SLCO6A1: variants seen among roughly 807,000 people sequenced by gnomAD.
SLCO6A1 encodes cancer/testis antigen 48.
A neutral mutation model predicts 72.7 loss-of-function variants in SLCO6A1; 65 were observed. The observed-to-expected ratio is 0.89, with a 90% confidence interval of 0.73 to 1.10. The LOEUF (loss-of-function observed/expected upper bound fraction) is 1.10. Ranked by LOEUF, SLCO6A1 falls within the 50% of genes least tolerant of loss-of-function variation. The pLI, the probability that SLCO6A1 is intolerant of heterozygous loss-of-function variation, is 0.00. For missense variants in SLCO6A1, 874 were observed against 872.6 expected (o/e 1.00, Z -0.02); for synonymous variants, 314 against 298.2 (o/e 1.05, Z -0.55).
At position 102,480,383 on chromosome 5, in the gene SLCO6A1, T is replaced by C. The variant is rs369804301; in HGVS notation, c.410A>G (p.Tyr137Cys). The C allele has an allele frequency of 3.7e-6, 6 of 1,613,336 alleles. No homozygotes were observed. The African/African-American group carries it at 8.0e-5, about 22-fold the overall frequency. Residue 137 changes from tyrosine to cysteine, a missense_variant, in exon 2 of 14, where the codon TAT (tyrosine) becomes TGT (cysteine). Tyr to Cys is a radical substitution (Grantham distance 194, BLOSUM62 -2). Transcript: ENST00000506729. ...CAACTTCTCAATGGTTTTCAGTTGA[T>C]ATTCCTTCTGAAAATCGCCAATGCT... ...DVSIGDFQKE[Y>C]QLKTIEKLAL...
chr5:102,385,537 A>T (rs150923274), intron 12 of SLCO6A1, among the ~76,000 whole-genome samples: 217 of 152,078 alleles, frequency 1.4e-3, no homozygotes, highest in African/African-American at 4.8e-3. Context: ...GTAATTTTGA[A>T]TGCCCTGCCT....
rs182481089 is a variant in SLCO6A1, at chr5:102,477,313, A to T, written c.802+363T>A. 8.1e-3 allele frequency among the ~76,000 whole-genome samples: 1,235 copies of T among 152,032 alleles called. 12 individuals carry two copies. The highest frequency in any genetic ancestry group is 0.015 in the Non-Finnish European group (1,006 of 67,946). On this transcript the variant is annotated intron_variant, in intron 3 of 13. Coordinates refer to ENST00000506729, the MANE Select transcript of SLCO6A1 (RefSeq NM_173488.5). ...ATTTTTTTGTATTTTTAGTAAAGAC[A>T]GGGTTTCACTATGTTGGCCAGGCTG...
intron 1 of SLCO6A1, among the ~76,000 whole-genome samples, chr5:102,487,143 T>C (rs1752479390): frequency 6.6e-6 from 1 of 152,114 alleles, no homozygotes; most frequent in Non-Finnish European, 1.5e-5. Context: ...GATGAAAAAA[T>C]CATACTTCAC....
intron 7 of SLCO6A1, among the ~76,000 whole-genome samples, chr5:102,429,371 C>T (rs1328523918): frequency 2.0e-5 from 3 of 152,194 alleles, no homozygotes; most frequent in Non-Finnish European, 4.4e-5. Flanking sequence ...GTCCTAAAAT[C>T]TTTGCCAGTT....
At chr5:102,471,953 C>T (rs1751649610) in intron 4 of SLCO6A1, among the ~76,000 whole-genome samples, 1 of 152,010 alleles carries the variant, frequency 6.6e-6, no homozygotes, top group South Asian at 2.1e-4. Context: ...CTGCTGATAG[C>T]CATGGCCTTC....
chr5:102,438,673 G>A lies in SLCO6A1; in HGVS notation c.1220C>T (p.Pro407Leu), dbSNP rs778731527. ...LVIIGASEFL[P>L]IYLENQFILT... Reference sequence around the variant, plus strand: ...TATAAACTGATTTTCTAAATATATAGGCAAAAATTCAGAAGCTCCAATAAT... The same window carrying A: ...TATAAACTGATTTTCTAAATATATAAGCAAAAATTCAGAAGCTCCAATAAT... Residue 407 changes from proline (P) to leucine (L), a missense_variant, in exon 7 of 14, where the codon CCT (proline) becomes CTT (leucine). By Grantham distance (98) the Pro-to-Leu change is moderately conservative. Transcript: ENST00000506729. The A allele has an allele frequency of 2.5e-6, 4 of 1,600,098 alleles. No homozygotes were observed. Among genetic ancestry groups the A allele is most frequent in the Non-Finnish European group, 3.4e-6 (4 of 1,174,516 alleles).
At chr5:102,462,954 G>A (rs1481521960) in intron 4 of SLCO6A1, among the ~76,000 whole-genome samples, 1 of 152,118 alleles carries the variant, frequency 6.6e-6, no homozygotes, top group African/African-American at 2.4e-5. Context: ...CTTCTGCACA[G>A]CAAAAGAAAT....
At chr5:102,427,700 A>G (rs1159566887) in intron 7 of SLCO6A1, among the ~76,000 whole-genome samples, 1 of 151,762 alleles carries the variant, frequency 6.6e-6, no homozygotes, top group Admixed American at 6.6e-5. Context: ...AAATCTGCAC[A>G]AACTATTGAC....
chr5:102,454,870 A>T (rs1750617298), intron 6 of SLCO6A1, among the ~76,000 whole-genome samples: 1 of 151,338 alleles, frequency 6.6e-6, no homozygotes, highest in Non-Finnish European at 1.5e-5. Flanking sequence ...ATCTGAATTA[A>T]ATGTAACCAA....
At chr5:102,481,558 G>T (rs561591499) in intron 1 of SLCO6A1, among the ~76,000 whole-genome samples, 3 of 152,138 alleles carry the variant, frequency 2.0e-5, no homozygotes, top group Non-Finnish European at 4.4e-5. Flanking sequence ...CATTCCCCTT[G>T]CAAATAGGAG....
chr5:102,383,903 T>C (rs1746262268), intron 12 of SLCO6A1, among the ~76,000 whole-genome samples: 2 of 151,880 alleles, frequency 1.3e-5, no homozygotes, highest in Admixed American at 1.3e-4. Context: ...TTATTCATGA[T>C]TATGTCTTTA....
intron 9 of SLCO6A1, among the ~76,000 whole-genome samples, chr5:102,402,018 T>C (rs1261922922): frequency 6.6e-6 from 1 of 152,030 alleles, no homozygotes; most frequent in Non-Finnish European, 1.5e-5. Context: ...GAACAGATTA[T>C]GGAATCAGAA....
In SLCO6A1 at chr5:102,459,782, A is replaced by T; in HGVS notation, c.900-5T>A. Reference sequence around the variant, plus strand: ...CTACCATTATTGACTGTAGTGCTTTAATAAAGAAAAGTGAAAAAAAAAAGC... The same window carrying T: ...CTACCATTATTGACTGTAGTGCTTTTATAAAGAAAAGTGAAAAAAAAAAGC... On this transcript the variant is annotated splice_polypyrimidine_tract_variant and splice_region_variant and intron_variant, in intron 4 of 13. Transcript: ENST00000506729. 6.4e-7 allele frequency: 1 copy of T among 1,565,650 alleles called. No homozygotes were observed. Among genetic ancestry groups the T allele is most frequent in the Non-Finnish European group, 8.6e-7 (1 of 1,164,660 alleles).
chr5:102,441,268 A>C (rs1310078886), intron 6 of SLCO6A1, among the ~76,000 whole-genome samples: 1 of 152,190 alleles, frequency 6.6e-6, no homozygotes, highest in Non-Finnish European at 1.5e-5. Flanking sequence ...TTTTATACAT[A>C]ATAGGAGGTA....
chr5:102,469,871 G>C (rs945838372), intron 4 of SLCO6A1, among the ~76,000 whole-genome samples: 1 of 152,118 alleles, frequency 6.6e-6, no homozygotes, highest in Non-Finnish European at 1.5e-5. Flanking sequence ...AGCATGAAAG[G>C]CTGCTGAATT....
rs138604232 is a variant in SLCO6A1, at chr5:102,451,957, T to C, written c.1131+6425A>G. Among the ~76,000 whole-genome samples the C allele has an allele frequency of 3.3e-4, 50 of 152,374 alleles. 2 individuals carry two copies. The East Asian group carries it at 9.1e-3, about 28-fold the overall frequency. On this transcript the variant is annotated intron_variant, in intron 6 of 13. Coordinates refer to ENST00000506729, the MANE Select transcript of SLCO6A1 (RefSeq NM_173488.5). Reference sequence around the variant, plus strand: ...TCTTCTTTCTATGATAGCCATTTACTTGCTTTCAAAGGAAATTCATTGTTT... The same window carrying C: ...TCTTCTTTCTATGATAGCCATTTACCTGCTTTCAAAGGAAATTCATTGTTT...
At chr5:102,458,746 C>A (rs182347473) in intron 5 of SLCO6A1, among the ~76,000 whole-genome samples, 1 of 152,192 alleles carries the variant, frequency 6.6e-6, no homozygotes, top group Non-Finnish European at 1.5e-5. Context: ...CTACACATGG[C>A]TGTTAAATAC....
intron 9 of SLCO6A1, among the ~76,000 whole-genome samples, chr5:102,402,772 CT>C (rs1441824042): frequency 6.6e-6 from 1 of 152,216 alleles, no homozygotes; most frequent in East Asian, 1.9e-4. Flanking sequence ...AATGATCCCA[CT>C]TGTTAATACC....
At chr5:102,459,097 A>G (rs1750889903) in intron 5 of SLCO6A1, among the ~76,000 whole-genome samples, 4 of 152,132 alleles carry the variant, frequency 2.6e-5, no homozygotes, top group Admixed American at 1.3e-4. Flanking sequence ...AATGAGAAAC[A>G]AAAATATGCA....
Sources: allele counts gnomAD v4.1 joint callset (sites outside exome capture counted in the v4.1 genomes callset), GRCh38; gene constraint gnomAD v4.1.1; transcripts MANE v1.5; gene names NCBI Gene and HGNC (gene_info 2026-07-23, HGNC 2026-07-21).